Variants in NACC2 observed in about 807,000 individuals in gnomAD.
NACC2 encodes NACC family member 2, also known as nucleus accumbens-associated protein 2.
A neutral mutation model predicts 25.1 loss-of-function variants in NACC2; 8 were observed. The ratio of observed to expected loss-of-function variants is 0.32; its 90% CI spans 0.19 to 0.57. The LOEUF is 0.57. Ranked by LOEUF, NACC2 falls within the 20% of genes least tolerant of loss-of-function variation. The pLI is 0.89. For missense variants in NACC2, 644 were observed against 650.2 expected (o/e 0.99, Z 0.10); for synonymous variants, 435 against 294.7 (o/e 1.48, Z -4.88).
chr9:136,071,022 G>A (rs1476309909), intron 1 of NACC2, among the ~76,000 whole-genome samples: 1 of 151,464 alleles, frequency 6.6e-6, no homozygotes, highest in Non-Finnish European at 1.5e-5. Flanking sequence ...TTGAGGTCAG[G>A]AGTTCAAGAC....
At chr9:136,057,542 A>G (rs1053378774) in intron 1 of NACC2, among the ~76,000 whole-genome samples, 4 of 152,254 alleles carry the variant, frequency 2.6e-5, no homozygotes, top group African/African-American at 7.2e-5. Context: ...AAGAGCCGAC[A>G]ATCTCCCTCA....
intron 1 of NACC2, among the ~76,000 whole-genome samples, chr9:136,092,744 A>G (rs1830445875): frequency 6.6e-6 from 1 of 152,150 alleles, no homozygotes; most frequent in Admixed American, 6.5e-5. Context: ...TGTTCGTTAC[A>G]CTGGGGTCTG....
At chr9:136,058,276 C>T (rs151043451) in intron 1 of NACC2, among the ~76,000 whole-genome samples, 24 of 152,356 alleles carry the variant, frequency 1.6e-4, no homozygotes, top group African/African-American at 4.1e-4. Flanking sequence ...GGGCAGACAC[C>T]CGCAGCACCT....
At chr9:136,031,777 G>A (rs1003275558) in intron 2 of NACC2, among the ~76,000 whole-genome samples, 1 of 152,232 alleles carries the variant, frequency 6.6e-6, no homozygotes, top group Non-Finnish European at 1.5e-5. Context: ...TAGCAAATAA[G>A]AAATGTATGA....
chr9:136,050,907 C>T (rs1369318044), intron 1 of NACC2, among the ~76,000 whole-genome samples: 2 of 152,168 alleles, frequency 1.3e-5, no homozygotes, highest in Non-Finnish European at 2.9e-5. Context: ...CCTGAACCTG[C>T]CCCGGGACAG....
At position 136,095,230 on chromosome 9, in the gene NACC2, C is replaced by G. The variant is rs1830478510; in HGVS notation, c.-101G>C. The G allele has an allele frequency of 6.8e-6, 1 of 147,396 alleles. No homozygotes were observed. The highest frequency in any genetic ancestry group is 1.5e-5 in the Non-Finnish European group (1 of 66,192). The allele number at this position is 147,396 out of a possible 1,614,324, so 9.1% of individuals were successfully genotyped here. On this transcript the variant is annotated 5_prime_UTR_variant, in exon 1 of 6. Coordinates refer to ENST00000277554, the MANE Select transcript of NACC2 (RefSeq NM_144653.5). ...CGGTCCGGCCTGGGCAGCTGCGGCG[C>G]GCCGCCCGCGGCAGGAAGTGCTTGG...
At chr9:136,038,896 A>T (rs1230718575) in intron 2 of NACC2, among the ~76,000 whole-genome samples, 1 of 152,208 alleles carries the variant, frequency 6.6e-6, no homozygotes, top group East Asian at 1.9e-4. Context: ...GGAGCTAAAA[A>T]CGATCATATT....
rs575294031 is a variant in NACC2, at chr9:136,020,576, T to C, written c.887-4147A>G. Among the ~76,000 whole-genome samples the C allele has an allele frequency of 3.3e-5, 5 of 152,330 alleles. No homozygotes were observed. The highest frequency in any genetic ancestry group is 1.2e-4 in the African/African-American group (5 of 41,576). ...GAGGGAGACGGGGAGGCCTACTCCC[T>C]AAAAGTGTATACCATTTGTTAAAAT... On this transcript the variant is annotated intron_variant, in intron 2 of 5. Transcript: ENST00000277554. This position sits in a 1 kb window ranked among gnomAD's most constrained non-coding sequence, Gnocchi z 4.7.
At chr9:136,068,096 GGTGA>G (rs781303648) in intron 1 of NACC2, among the ~76,000 whole-genome samples, 12 of 152,300 alleles carry the variant, frequency 7.9e-5, no homozygotes, top group East Asian at 7.7e-4. Flanking sequence ...CATTGCTCTG[GGTGA>G]GTGAGTAGTG....
intron 1 of NACC2, among the ~76,000 whole-genome samples, chr9:136,051,526 G>T (rs956276435): frequency 1.3e-5 from 2 of 152,180 alleles, no homozygotes; most frequent in African/African-American, 4.8e-5. Flanking sequence ...GGGCGGGGGC[G>T]GCCCAGAAGG....
chr9:136,088,792 C>A (rs1051669392), intron 1 of NACC2, among the ~76,000 whole-genome samples: 2 of 152,110 alleles, frequency 1.3e-5, no homozygotes, highest in African/African-American at 4.8e-5. Context: ...GCGTGGAGGG[C>A]GGGATGGGCA....
chr9:136,070,554 T>C (rs1387369769), intron 1 of NACC2, among the ~76,000 whole-genome samples: 1 of 151,390 alleles, frequency 6.6e-6, no homozygotes, highest in African/African-American at 2.4e-5. Context: ...CATACCAAAG[T>C]TTGTGGGACA....
chr9:136,059,587 T>C (rs960053443), intron 1 of NACC2, among the ~76,000 whole-genome samples: 6 of 152,144 alleles, frequency 3.9e-5, no homozygotes, highest in African/African-American at 1.4e-4. Flanking sequence ...AAGTCCCTCC[T>C]CCAGCAACGC....
chr9:136,046,982 C>T (rs930939451), intron 2 of NACC2, among the ~76,000 whole-genome samples: 1 of 152,226 alleles, frequency 6.6e-6, no homozygotes, highest in African/African-American at 2.4e-5. Flanking sequence ...CGCATTACCA[C>T]ACACCAAGGT....
intron 2 of NACC2, among the ~76,000 whole-genome samples, chr9:136,046,595 C>T (rs10117908): frequency 6.6e-6 from 1 of 152,078 alleles, no homozygotes; most frequent in Non-Finnish European, 1.5e-5. Context: ...TGCCTCGCTG[C>T]GGGTGGGGGG....
At position 136,011,702 on chromosome 9, in the gene NACC2, G is replaced by A. The variant is rs201308280; in HGVS notation, c.1578C>T (p.Phe526=). The A allele has an allele frequency of 4.1e-5, 62 of 1,496,788 alleles. No individual in the cohort carries two copies. The South Asian group carries it at 5.6e-4, about 14-fold the overall frequency. The allele number at this position is 1,496,788 out of a possible 1,614,324, so 92.7% of individuals were successfully genotyped here. A position where few individuals can be genotyped will look rare whatever the true frequency, so the allele number is the denominator to read the frequency against. Residue 526 remains phenylalanine, a synonymous_variant, in exon 6 of 6, where the codon TTC becomes TTT. Transcript: ENST00000277554. The stretch of plus-strand genomic sequence containing the variant: ...CCCCGTCCACCTCCTCGCCGGCGTC[G>A]AAGGCGGGGTTGGCGGCGGCACTCA... ...VDLSAAANPA[F]DAGEEVDGAG... is the part of the protein sequence containing the mutation.
At chr9:136,029,317 T>C (rs59908825) in intron 2 of NACC2, among the ~76,000 whole-genome samples, 4,354 of 152,158 alleles carry the variant, frequency 0.029, 228 homozygotes, top group African/African-American at 0.1. Flanking sequence ...GAGCAGATGT[T>C]GAGGAGACCT....
intron 1 of NACC2, among the ~76,000 whole-genome samples, chr9:136,082,643 C>G (rs980346842): frequency 7.0e-5 from 10 of 142,412 alleles, no homozygotes; most frequent in Non-Finnish European, 1.4e-4. Context: ...GCCAGGCCCG[C>G]GCTGCCTCCA....
Position 136,009,298 on chromosome 9 carries a change from A to C in NACC2, c.*2218T>G, listed in dbSNP as rs959419203. The C allele has an allele frequency of 6.6e-6, 1 of 152,278 alleles. No individual in the cohort carries two copies. The highest frequency in any genetic ancestry group is 2.1e-4 in the South Asian group (1 of 4,836). 9.4% of individuals were successfully genotyped at this position (152,278 alleles called of 1,614,324 possible). On this transcript the variant is annotated 3_prime_UTR_variant, in exon 6 of 6. Coordinates refer to ENST00000277554, the MANE Select transcript of NACC2 (RefSeq NM_144653.5). ...TTGGTCCAGGTTCCCAGCGGGCCCC[A>C]TGGGGGCTCCAACCCCACCTGTGCC...
Sources: gnomAD v4.1 joint callset for allele counts (sites outside exome capture counted in the v4.1 genomes callset) on GRCh38, gnomAD v4.1.1 for gene constraint, Gnocchi (gnomAD v3.1) non-coding constraint, MANE v1.5 for transcripts, NCBI Gene and HGNC (gene_info 2026-07-23, HGNC 2026-07-21) for gene names.